Variants in TLR7 observed in about 807,000 individuals in gnomAD.
TLR7 encodes the protein toll-like receptor 7.
A neutral mutation model predicts 38.3 loss-of-function variants in TLR7; 12 were observed. That is an observed-to-expected ratio of 0.31 (90% CI 0.20 to 0.51). TLR7 has a LOEUF of 0.51. Ranked by LOEUF, TLR7 falls within the 20% of genes least tolerant of loss-of-function variation. The probability of loss-of-function intolerance (pLI) is 0.98; values close to 1 mark genes in which losing one functional copy is unlikely to be tolerated. For synonymous variants in TLR7, 285 were observed against 293.8 expected (o/e 0.97, Z 0.31); for missense variants, 504 against 743.4 (o/e 0.68, Z 3.74).
chrX:12,872,500 G>T (rs935651407), intron 2 of TLR7, among the ~76,000 whole-genome samples: 1 of 110,820 alleles, frequency 9.0e-6, no homozygotes, highest in South Asian at 3.9e-4. Context: ...TCTTACAAGG[G>T]TGATGACTCA....
chrX:12,878,048 G>C (rs1023909409), intron 2 of TLR7, among the ~76,000 whole-genome samples: 4 of 111,953 alleles, frequency 3.6e-5, no homozygotes, highest in African/African-American at 1.3e-4. Context: ...TCCATCTATA[G>C]GGGCAGATGA....
Position 12,887,923 on chromosome X carries a change from T to C in TLR7, c.2415T>C (p.Ile805=), listed in dbSNP as rs753621466. 3 of 1,209,968 alleles carry C rather than the reference T, an allele frequency of 2.5e-6. No individual in the cohort carries two copies. The highest frequency in any genetic ancestry group is 3.4e-6 in the Non-Finnish European group (3 of 895,263). Residue 805 remains isoleucine (I), a synonymous_variant, in exon 3 of 3, where the codon ATT becomes ATC. Coordinates refer to ENST00000380659, the MANE Select transcript of TLR7 (RefSeq NM_016562.4). ...VWWVNHTEVT[I]PYLATDVTCV... ...GGGTTAACCATACGGAGGTGACTAT[T>C]CCTTACCTGGCCACAGATGTGACTT...
intron 2 of TLR7, among the ~76,000 whole-genome samples, chrX:12,868,113 G>T (rs2042840072): frequency 8.9e-6 from 1 of 112,353 alleles, no homozygotes; most frequent in African/African-American, 3.2e-5. Flanking sequence ...ATAGAAAGGG[G>T]CTCAATTCCA....
intron 2 of TLR7, among the ~76,000 whole-genome samples, chrX:12,885,067 T>C (rs1055603658): frequency 1.8e-5 from 2 of 112,567 alleles, no homozygotes; most frequent in Non-Finnish European, 3.8e-5. Flanking sequence ...TCAAATACTA[T>C]GAAAGACTCA....
intron 2 of TLR7, among the ~76,000 whole-genome samples, chrX:12,883,457 G>C (rs1278953349): frequency 9.0e-6 from 1 of 111,184 alleles, no homozygotes; most frequent in African/African-American, 3.3e-5. Flanking sequence ...AAGTAGACAG[G>C]GTACAAATTA....
At chrX:12,880,254 G>A (rs2042886687) in intron 2 of TLR7, among the ~76,000 whole-genome samples, 3 of 111,664 alleles carry the variant, frequency 2.7e-5, no homozygotes, top group African/African-American at 9.8e-5. Flanking sequence ...GTCCCATATT[G>A]TTGTTTCTGT....
In TLR7 at chrX:12,885,663, C is replaced by T. The variant is rs2042907902; in HGVS notation, c.155C>T (p.Thr52Ile). 1 of 1,210,167 alleles carries T rather than the reference C, an allele frequency of 8.3e-7. No homozygotes were observed. Reference protein sequence around the residue: ...VPKNHVIVDCTDKHLTEIPGG... With the variant: ...VPKNHVIVDCIDKHLTEIPGG... ...AAGAACCATGTGATCGTGGACTGCA[C>T]AGACAAGCATTTGACAGAAATTCCT... The change falls in exon 3 of 3, where the codon ACA becomes ATA. Residue 52 changes from threonine (T) to isoleucine (I), a missense_variant. Transcript: ENST00000380659.
chrX:12,874,909 T>G (rs1281278882), intron 2 of TLR7, among the ~76,000 whole-genome samples: 1 of 111,913 alleles, frequency 8.9e-6, no homozygotes, highest in Non-Finnish European at 1.9e-5. Context: ...TACAAAGTTT[T>G]GAAGATAAAA....
At position 12,885,856 on chromosome X, in the gene TLR7, G is replaced by T. The variant is rs200606869; in HGVS notation, c.348G>T (p.Leu116=). The T allele has an allele frequency of 5.8e-6, 7 of 1,210,311 alleles. No homozygotes were observed. Among genetic ancestry groups the T allele is most frequent in the Non-Finnish European group, 7.8e-6 (7 of 895,356 alleles). Residue 116 remains leucine, a synonymous_variant, in exon 3 of 3, where the codon CTG becomes CTT. Transcript: ENST00000380659. ...AAAACAACATGTGCATCAAGAGGCT[G>T]CAGATTAAACCCAGAAGCTTTAGTG... ...GSKNNMCIKR[L]QIKPRSFSGL...
chrX:12,881,873 T>A (rs181935460), intron 2 of TLR7, among the ~76,000 whole-genome samples: 8 of 112,203 alleles, frequency 7.1e-5, no homozygotes, highest in Admixed American at 9.5e-5. Flanking sequence ...GCCTGGCATG[T>A]GGTAAGTGCT....
intron 2 of TLR7, among the ~76,000 whole-genome samples, chrX:12,879,816 A>G (rs1046900347): frequency 8.9e-6 from 1 of 112,139 alleles, no homozygotes; most frequent in African/African-American, 3.2e-5. Context: ...TATATGCCCA[A>G]CTACAAATGG....
At chrX:12,873,752 A>G (rs1014240934) in intron 2 of TLR7, among the ~76,000 whole-genome samples, 1 of 112,160 alleles carries the variant, frequency 8.9e-6, no homozygotes, top group Admixed American at 9.4e-5. Context: ...AAATATATGC[A>G]TATATATTTA....
rs1198069306 is a variant in TLR7 at position 12,888,194 on chromosome X, G to A, written c.2686G>A (p.Val896Met). 5.8e-6 allele frequency: 7 copies of A among 1,210,004 alleles called. No individual in the cohort carries two copies. Among genetic ancestry groups the A allele is most frequent in the Middle Eastern group, 2.3e-4 (1 of 4,377 alleles). Residue 896 changes from valine (V) to methionine (M), a missense_variant, in exon 3 of 3, where the codon GTG becomes ATG. Coordinates refer to ENST00000380659, the MANE Select transcript of TLR7 (RefSeq NM_016562.4). ...SPDCCYDAFI[V>M]YDTKDPAVTE... is the part of the protein sequence containing the mutation. ...AGACTGTTGCTATGATGCTTTTATT[G>A]TGTATGACACTAAAGACCCAGCTGT...
chrX:12,888,742 G>C lies in TLR7; in HGVS notation c.*84G>C. 5 of 1,031,089 alleles carry C rather than the reference G, an allele frequency of 4.8e-6. No individual in the cohort carries two copies. The highest frequency in any genetic ancestry group is 6.5e-6 in the Non-Finnish European group (5 of 773,724). The allele number at this position is 1,031,089 out of a possible 1,213,427, so 85.0% of individuals were successfully genotyped here. On this transcript the variant is annotated 3_prime_UTR_variant, in exon 3 of 3. Coordinates refer to ENST00000380659, the MANE Select transcript of TLR7 (RefSeq NM_016562.4). Reference sequence around the variant, plus strand: ...TGTTTTCATATATATCACACCAAAAGCGTGTTTTGAAATTCTTCAAGAAAT... The same window carrying C: ...TGTTTTCATATATATCACACCAAAACCGTGTTTTGAAATTCTTCAAGAAAT...
At position 12,886,441 on chromosome X, in the gene TLR7, G is replaced by C. The variant is rs773983742; in HGVS notation, c.933G>C (p.Lys311Asn). The C allele has an allele frequency of 8.3e-7, 1 of 1,211,927 alleles. No individual in the cohort carries two copies. Among genetic ancestry groups the C allele is most frequent in the South Asian group, 1.8e-5 (1 of 57,016 alleles). ...SLQHVPPRWF[K>N]NINKLQELDL... Reference sequence around the variant, plus strand: ...AGCATGTGCCCCCAAGATGGTTTAAGAACATCAACAAACTCCAGGAACTGG... The same window carrying C: ...AGCATGTGCCCCCAAGATGGTTTAACAACATCAACAAACTCCAGGAACTGG... The change falls in exon 3 of 3, where the codon AAG becomes AAC. Residue 311 changes from lysine to asparagine, a missense_variant. Lys to Asn is a moderately conservative substitution (Grantham distance 94). Coordinates refer to ENST00000380659, the MANE Select transcript of TLR7 (RefSeq NM_016562.4).
At chrX:12,869,764 T>TA (rs1402052728) in intron 2 of TLR7, among the ~76,000 whole-genome samples, 1 of 77,680 alleles carries the variant, frequency 1.3e-5, no homozygotes, top group Non-Finnish European at 2.5e-5. Flanking sequence ...AAAATAATTT[T>TA]AAAAAAACAA....
rs756444452 is a variant in TLR7, at chrX:12,884,100, C to T, written c.4-1412C>T. On this transcript the variant is annotated intron_variant, in intron 2 of 2. Coordinates refer to ENST00000380659, the MANE Select transcript of TLR7 (RefSeq NM_016562.4). The stretch of plus-strand genomic sequence containing the variant: ...GCTTAAGAGGTCCTCCCAACTCAAC[C>T]TCCCGAGTAGCTGAACTACAGTTGT... Among the ~76,000 whole-genome samples the T allele has an allele frequency of 3.6e-5, 4 of 111,477 alleles. No homozygotes were observed. The East Asian group carries it at 1.1e-3, about 31-fold the overall frequency.
At chrX:12,868,656 A>C (rs1223773238) in intron 2 of TLR7, among the ~76,000 whole-genome samples, 1 of 111,720 alleles carries the variant, frequency 9.0e-6, no homozygotes, top group African/African-American at 3.3e-5. Context: ...GGTATGATGC[A>C]AGTGTGAGTT....
In TLR7 at chrX:12,888,365, A is replaced by G; in HGVS notation, c.2857A>G (p.Thr953Ala). 1 of 1,212,025 alleles carries G rather than the reference A, an allele frequency of 8.3e-7. No individual in the cohort carries two copies. The highest frequency in any genetic ancestry group is 1.7e-5 in the African/African-American group (1 of 57,851). ...CCAGAGCATACAGCTTAGCAAAAAG[A>G]CAGTGTTTGTGATGACAGACAAGTA... ...LSQSIQLSKKTVFVMTDKYAK... is the reference protein window; with the variant it reads ...LSQSIQLSKKAVFVMTDKYAK... The change falls in exon 3 of 3, where the codon ACA becomes GCA. Residue 953 changes from threonine to alanine, a missense_variant. Coordinates refer to ENST00000380659, the MANE Select transcript of TLR7 (RefSeq NM_016562.4).
Sources: allele counts gnomAD v4.1 joint callset (sites outside exome capture counted in the v4.1 genomes callset), GRCh38; gene constraint gnomAD v4.1.1; transcripts MANE v1.5; gene names NCBI Gene and HGNC (gene_info 2026-07-23, HGNC 2026-07-21).